Variants in EPS15L1 observed in about 807,000 individuals in gnomAD.
EPS15L1 encodes epidermal growth factor receptor pathway substrate 15 like 1.
EPS15L1 carries 43 observed loss-of-function variants against 117.1 expected under a neutral mutation model. That is an observed-to-expected ratio of 0.37 (90% CI 0.29 to 0.47). EPS15L1 has a LOEUF of 0.47. Ranked by LOEUF, EPS15L1 falls within the 20% of genes least tolerant of loss-of-function variation. EPS15L1 has a pLI of 0.99. For synonymous variants in EPS15L1, 459 were observed against 470.5 expected (o/e 0.98, Z 0.32); for missense variants, 981 against 1,164.0 (o/e 0.84, Z 2.29).
At chr19:16,422,553 T>G (rs531001533) in intron 9 of EPS15L1, among the ~76,000 whole-genome samples, 1 of 152,150 alleles carries the variant, frequency 6.6e-6, no homozygotes, top group Non-Finnish European at 1.5e-5. Flanking sequence ...GAGGGATCGA[T>G]TGTTCCTTCT....
intron 1 of EPS15L1, among the ~76,000 whole-genome samples, chr19:16,457,240 G>A (rs2093206415): frequency 1.3e-5 from 2 of 152,228 alleles, no homozygotes; most frequent in Admixed American, 1.3e-4. Context: ...ACACCTTGGT[G>A]CAGGTGTGGA....
At chr19:16,400,855 C>T in intron 16 of EPS15L1, 2 of 985,326 alleles carry the variant, frequency 2.0e-6, no homozygotes, top group Middle Eastern at 5.2e-4. Context: ...ACTTCACTGC[C>T]AACTTTTATC....
chr19:16,410,652 G>C (rs1423761389), intron 13 of EPS15L1, among the ~76,000 whole-genome samples: 2 of 152,232 alleles, frequency 1.3e-5, no homozygotes, highest in Non-Finnish European at 2.9e-5. Context: ...GCTCATGCCT[G>C]TAATCCCAGC....
In EPS15L1 at chr19:16,386,177, C is replaced by G. The variant is rs2092419053; in HGVS notation, c.2158G>C (p.Gly720Arg). 1.9e-6 allele frequency: 3 copies of G among 1,611,220 alleles called. No homozygotes were observed. The East Asian group carries it at 6.7e-5, about 36-fold the overall frequency. Residue 720 changes from glycine (G) to arginine (R), a missense_variant, in exon 20 of 24, where the codon GGA becomes CGA. This residue lies in a region of EPS15L1 where 819 missense variants were observed against 949.0 expected (regional missense o/e 0.86). Transcript: ENST00000455140. ...AATAAGTCATGGGTCTCACCTGATC[C>G]TTTTGAGGAGACACTGGAGGATGAA... ...PFSSSSVSSK[G>R]SDPFGTLDPF...
chr19:16,435,570 C>T (rs1021208342), intron 6 of EPS15L1, among the ~76,000 whole-genome samples: 1 of 151,956 alleles, frequency 6.6e-6, no homozygotes, highest in African/African-American at 2.4e-5. Context: ...AGACAGAGCC[C>T]TCAGTCACAG....
At chr19:16,392,169 G>A (rs544063593) in intron 19 of EPS15L1, 135 bp downstream of exon 19, 26 of 982,938 alleles carry the variant, frequency 2.6e-5, no homozygotes, top group South Asian at 2.1e-4. Context: ...ACCAGCTCCC[G>A]GAGAACAGAC....
At chr19:16,457,823 C>T (rs902482414) in intron 1 of EPS15L1, among the ~76,000 whole-genome samples, 7 of 152,096 alleles carry the variant, frequency 4.6e-5, no homozygotes, top group African/African-American at 1.2e-4. Flanking sequence ...GACCCATGAG[C>T]GGTCTCCCTG....
intron 16 of EPS15L1, chr19:16,401,764 G>T: frequency 1.0e-6 from 1 of 985,804 alleles, no homozygotes; most frequent in Non-Finnish European, 1.2e-6. Flanking sequence ...TCAGAGTAAA[G>T]TGCAGAGGTT....
At chr19:16,452,530 G>T (rs760738929) in intron 1 of EPS15L1, among the ~76,000 whole-genome samples, 64 of 151,268 alleles carry the variant, frequency 4.2e-4, no homozygotes, top group Admixed American at 1.2e-3. Flanking sequence ...TAAGGCAGGA[G>T]GATTGCCTGA....
At chr19:16,443,341 T>C (rs1568456716) in intron 1 of EPS15L1, 1 of 152,216 alleles carries the variant, frequency 6.6e-6, no homozygotes. Flanking sequence ...CTTCCAGTTA[T>C]AGTCATTGGA....
chr19:16,417,720 G>T, intron 11 of EPS15L1, 83 bp from the exon 12 acceptor site: 1 of 1,283,174 alleles, frequency 7.8e-7, no homozygotes, highest in Non-Finnish European at 1.1e-6. Context: ...TCGGGCCCAG[G>T]GATAAAATTG....
rs1488953366 is a variant in EPS15L1, at chr19:16,365,579, C to T, written c.2381-3595G>A. ...GTGAGCAGGGAGCCACCAAAGCCAC[C>T]GGCAGGGGCACCCTGGGGGACAGTG... On this transcript the variant is annotated intron_variant, in intron 22 of 23. Coordinates refer to ENST00000455140, the MANE Select transcript of EPS15L1 (RefSeq NM_001258374.3). The surrounding 1 kb of genome is among the most constrained non-coding windows in gnomAD (Gnocchi z 4.9). Among the ~76,000 whole-genome samples the T allele has an allele frequency of 1.3e-5, 2 of 152,222 alleles. No homozygotes were observed. The highest frequency in any genetic ancestry group is 1.5e-5 in the Non-Finnish European group (1 of 68,032).
At chr19:16,395,091 G>A (rs1176243576) in intron 17 of EPS15L1, among the ~76,000 whole-genome samples, 5 of 151,778 alleles carry the variant, frequency 3.3e-5, no homozygotes, top group Admixed American at 2.6e-4. Context: ...GCGGTGATGG[G>A]CGCTGAGGCA....
chr19:16,420,077 C>T (rs2092799505), intron 10 of EPS15L1, among the ~76,000 whole-genome samples: 1 of 152,210 alleles, frequency 6.6e-6, no homozygotes, highest in Non-Finnish European at 1.5e-5. Context: ...CCTCCCAGTC[C>T]CTCCTGGTGT....
intron 23 of EPS15L1, chr19:16,356,210 G>A (rs1239254681): frequency 3.3e-6 from 1 of 302,434 alleles, no homozygotes; most frequent in African/African-American, 2.1e-5. Context: ...TGGCTCTAAA[G>A]CCCCACGGCG....
At chr19:16,384,811 C>T (rs1028903036) in intron 21 of EPS15L1, among the ~76,000 whole-genome samples, 2 of 152,220 alleles carry the variant, frequency 1.3e-5, no homozygotes, top group Admixed American at 6.5e-5. Flanking sequence ...CCTCTCGAGA[C>T]GCCTGTGCCC....
At position 16,359,889 on chromosome 19, in the gene EPS15L1, GA is replaced by G. The variant is rs1236615402; in HGVS notation, c.2586+1889del. 9.1e-4 allele frequency among the ~76,000 whole-genome samples: 134 copies of G among 147,614 alleles called. 1 individual carries two copies. The highest frequency in any genetic ancestry group is 2.0e-3 in the East Asian group (10 of 4,966). On this transcript the variant is annotated intron_variant, in intron 23 of 23. Transcript: ENST00000455140. ...AATATGTAAAAACCAAAAACTTAGG[GA>G]AAAAAAAAAAAAAAACAGAAAACAA...
chr19:16,427,663 G>A (rs148198133), intron 8 of EPS15L1, among the ~76,000 whole-genome samples: 3,668 of 152,122 alleles, frequency 0.024, 121 homozygotes, highest in Admixed American at 0.086. Flanking sequence ...AGGCAGAGGC[G>A]GGCAGATCAC....
chr19:16,369,217 C>T (rs751425244), intron 22 of EPS15L1, among the ~76,000 whole-genome samples: 4 of 152,130 alleles, frequency 2.6e-5, no homozygotes, highest in African/African-American at 9.7e-5. Flanking sequence ...CAGCCCCGCG[C>T]GCACTCTGCC....
Sources: gnomAD v4.1 joint callset for allele counts (sites outside exome capture counted in the v4.1 genomes callset) on GRCh38, gnomAD v4.1.1 for gene constraint, gnomAD v4.1.1 regional missense constraint, Gnocchi (gnomAD v3.1) non-coding constraint, MANE v1.5 for transcripts, NCBI Gene and HGNC (gene_info 2026-07-23, HGNC 2026-07-21) for gene names.